OPA3: variants seen among roughly 807,000 people sequenced by gnomAD.
OPA3 encodes the protein outer mitochondrial membrane lipid metabolism regulator OPA3, also known as optic atrophy 3 protein.
Under a neutral mutation model 4.0 loss-of-function variants are expected in OPA3, and 6 were observed. The observed-to-expected ratio is 1.51, with a 90% CI of 0.83 to 2.99. OPA3 has a LOEUF of 2.99. Among genes scored for constraint, OPA3 ranks in the 30% most tolerant of loss-of-function variants. The probability of loss-of-function intolerance (pLI) is 0.00; values close to 1 mark genes in which losing one functional copy is unlikely to be tolerated. For missense variants in OPA3, 235 were observed against 256.2 expected (o/e 0.92, Z 0.56); for synonymous variants, 105 against 117.1 (o/e 0.90, Z 0.67).
At chr19:45,559,479 G>A (rs1323908675) in intron 1 of OPA3, among the ~76,000 whole-genome samples, 3 of 125,286 alleles carry the variant, frequency 2.4e-5, no homozygotes, top group Non-Finnish European at 4.7e-5. Context: ...TCGGCTCACT[G>A]CAACCTCCGC....
At chr19:45,571,326 T>A (rs1045479278) in intron 1 of OPA3, among the ~76,000 whole-genome samples, 2 of 144,618 alleles carry the variant, frequency 1.4e-5, no homozygotes, top group African/African-American at 5.2e-5. Context: ...TGTATTTTTT[T>A]AGTAGAGACG....
exon 2 of OPA3, chr19:45,529,127 C>G (rs1419174487): frequency 6.2e-7 from 1 of 1,609,264 alleles, no homozygotes; most frequent in Non-Finnish European, 8.5e-7. Context: ...GCTCGCACCT[C>G]CTGCAGCTGA....
chr19:45,557,295 C>T (rs1487272468), intron 1 of OPA3, among the ~76,000 whole-genome samples: 1 of 152,044 alleles, frequency 6.6e-6, no homozygotes, highest in South Asian at 2.1e-4. Flanking sequence ...CAGGCATGGG[C>T]TTTCAGGGCT....
At chr19:45,544,556 A>G (rs1041569098), downstream of OPA3, among the ~76,000 whole-genome samples, 3 of 152,132 alleles carry the variant, frequency 2.0e-5, no homozygotes, top group African/African-American at 7.2e-5. Flanking sequence ...GCACTTTGGG[A>G]GGCCGAGGCA....
At chr19:45,554,471 G>A (rs1969391176) in intron 1 of OPA3, among the ~76,000 whole-genome samples, 1 of 152,216 alleles carries the variant, frequency 6.6e-6, no homozygotes, top group Non-Finnish European at 1.5e-5. Context: ...GTGCAGCTAA[G>A]AGCTGCGAGC....
intron 1 of OPA3, among the ~76,000 whole-genome samples, chr19:45,534,162 A>T (rs1969089943): frequency 6.6e-6 from 1 of 152,208 alleles, no homozygotes; most frequent in African/African-American, 2.4e-5. Context: ...ACTAAAGGAG[A>T]GCCTCCTGAA....
At chr19:45,529,172 T>A in exon 2 of OPA3, 1 of 1,609,736 alleles carries the variant, frequency 6.2e-7, no homozygotes, top group African/African-American at 1.3e-5. Context: ...TGCGTCGACG[T>A]CGCCTGCACC....
exon 2 of OPA3, chr19:45,529,283 A>G (rs766762022): frequency 1.2e-6 from 2 of 1,614,044 alleles, no homozygotes; most frequent in Non-Finnish European, 1.7e-6. Flanking sequence ...CGCTGCTGCA[A>G]CTGGTGGCGC....
intron 1 of OPA3, among the ~76,000 whole-genome samples, chr19:45,562,332 A>G (rs1436184784): frequency 7.4e-6 from 1 of 135,182 alleles, no homozygotes; most frequent in Non-Finnish European, 1.6e-5. Flanking sequence ...TGATACAGTG[A>G]GACTCCATCT....
rs56381717 is a variant in OPA3 at position 45,576,535 on chromosome 19, T to TC, written c.142+8087dup. On this transcript the variant is annotated intron_variant, in intron 1 of 1. Coordinates refer to ENST00000263275, the MANE Select transcript of OPA3 (RefSeq NM_025136.4). ...TCTGGGCAACAAGAATGAAACTCCATCCCCCCCCCCCCAAAAAAAAAAGTC... is the reference window on the plus strand; with the variant it reads ...TCTGGGCAACAAGAATGAAACTCCATCCCCCCCCCCCCCAAAAAAAAAAGTC... 7.7e-3 allele frequency among the ~76,000 whole-genome samples: 826 copies of TC among 107,688 alleles called. 9 individuals are homozygous for TC. Among genetic ancestry groups the TC allele is most frequent in the African/African-American group, 0.022 (420 of 19,048 alleles). The allele number at this position is 107,688 out of a possible 152,430, so 70.6% of individuals were successfully genotyped here.
At chr19:45,574,672 T>A (rs954636243) in intron 1 of OPA3, among the ~76,000 whole-genome samples, 2 of 152,190 alleles carry the variant, frequency 1.3e-5, no homozygotes, top group African/African-American at 4.8e-5. Context: ...TGTGGCAGAC[T>A]GTGCCATCAG....
chr19:45,577,511 G>T (rs1018938968), intron 1 of OPA3, among the ~76,000 whole-genome samples: 2 of 152,140 alleles, frequency 1.3e-5, no homozygotes, highest in Non-Finnish European at 2.9e-5. Flanking sequence ...TCTCCAACTC[G>T]ACCTGTCCCT....
downstream of OPA3, among the ~76,000 whole-genome samples, chr19:45,543,441 C>G (rs918001093): frequency 4.0e-5 from 6 of 151,884 alleles, no homozygotes; most frequent in Non-Finnish European, 7.4e-5. Context: ...CTGCCTCAGC[C>G]CCCGGAGTAC....
intron 1 of OPA3, among the ~76,000 whole-genome samples, chr19:45,533,052 C>T (rs988462450): frequency 1.6e-5 from 1 of 61,316 alleles, no homozygotes; most frequent in Non-Finnish European, 3.3e-5. Flanking sequence ...CCACCATGCC[C>T]GGATATTTTT....
chr19:45,552,928 G>A lies in OPA3; in HGVS notation c.*586C>T, dbSNP rs1312483409. 46 of 927,714 alleles carry A rather than the reference G, an allele frequency of 5.0e-5. No homozygotes were observed. Among genetic ancestry groups the A allele is most frequent in the Admixed American group, 6.1e-5 (1 of 16,334 alleles). 57.5% of individuals were successfully genotyped at this position (927,714 alleles called of 1,614,324 possible). On this transcript the variant is annotated 3_prime_UTR_variant, in exon 2 of 2. Transcript: ENST00000263275. ...TGACCTCAAGTGATCCGCCCGCCTC[G>A]GCCTCCCAAGGTGCTAGGATTACAG...
intron 1 of OPA3, among the ~76,000 whole-genome samples, chr19:45,558,873 T>C (rs1255385209): frequency 1.3e-5 from 2 of 151,860 alleles, no homozygotes; most frequent in Non-Finnish European, 2.9e-5. Context: ...TGAGTGCTGC[T>C]TCATGAGACT....
chr19:45,582,321 G>A (rs995655720), intron 1 of OPA3, among the ~76,000 whole-genome samples: 2 of 151,720 alleles, frequency 1.3e-5, no homozygotes, highest in East Asian at 3.9e-4. Flanking sequence ...CACCAAGCCC[G>A]CCTAACTTTT....
chr19:45,569,408 G>A (rs1379384169), intron 1 of OPA3, among the ~76,000 whole-genome samples: 24 of 152,236 alleles, frequency 1.6e-4, no homozygotes, highest in Admixed American at 1.2e-3. Context: ...GTAGTGAGCC[G>A]AGATCGCGCC....
chr19:45,583,155 C>CT lies in OPA3; in HGVS notation c.142+1467dup, dbSNP rs368045812. Among the ~76,000 whole-genome samples, 278 of 145,778 alleles carry CT rather than the reference C, an allele frequency of 1.9e-3. 5 individuals carry two copies. Among genetic ancestry groups the CT allele is most frequent in the Middle Eastern group, 3.6e-3 (1 of 280 alleles). On this transcript the variant is annotated intron_variant, in intron 1 of 1. Coordinates refer to ENST00000263275, the MANE Select transcript of OPA3 (RefSeq NM_025136.4). ...TCCCACGTAGCACAACACAGATCAC[C>CT]TTTTTTTTTTTTGGAGACGGAGTCT...
Sources: allele counts gnomAD v4.1 joint callset (sites outside exome capture counted in the v4.1 genomes callset), GRCh38; gene constraint gnomAD v4.1.1; transcripts MANE v1.5; gene names NCBI Gene and HGNC (gene_info 2026-07-23, HGNC 2026-07-21).